ZNF521: variants seen among roughly 807,000 people sequenced by gnomAD.
ZNF521 encodes LYST-interacting protein 3.
In ZNF521, 14 loss-of-function variants were observed where a neutral mutation model predicts 105.5. The ratio of observed to expected loss-of-function variants is 0.13; its 90% CI spans 0.09 to 0.21. The LOEUF is 0.21. ZNF521 is among the 10% of genes least tolerant of loss of function. The probability of loss-of-function intolerance (pLI) is 1.00; values close to 1 mark genes in which losing one functional copy is unlikely to be tolerated. For missense variants in ZNF521, 1,233 were observed against 1,629.7 expected (o/e 0.76, Z 4.19); for synonymous variants, 635 against 606.0 (o/e 1.05, Z -0.70).
chr18:25,186,904 T>TAAAAAAAAAA (rs113619835), intron 5 of ZNF521, among the ~76,000 whole-genome samples: 3 of 74,272 alleles, frequency 4.0e-5, no homozygotes, highest in Non-Finnish European at 6.2e-5. Flanking sequence ...AAAGTAATGC[T>TAAAAAAAAAA]AAAAAAAAAA....
intron 5 of ZNF521, among the ~76,000 whole-genome samples, chr18:25,177,374 T>C (rs555408828): frequency 1.3e-5 from 2 of 152,230 alleles, no homozygotes; most frequent in African/African-American, 4.8e-5. Flanking sequence ...TAGGCACCCA[T>C]GGTATCACAC....
intron 3 of ZNF521, among the ~76,000 whole-genome samples, chr18:25,264,466 G>C (rs999534435): frequency 6.6e-6 from 1 of 151,882 alleles, no homozygotes. Flanking sequence ...TTTTCACTGG[G>C]ATCAGCTCAT....
rs188231764 is a variant in ZNF521 at position 25,338,848 on chromosome 18, A to C, written c.40+12059T>G. ...AAGCAGAAACATAATTAGATGACTA[A>C]CATATATTTTCCTAAATAGCTAAGA... On this transcript the variant is annotated intron_variant, in intron 2 of 7. Transcript: ENST00000361524. 1.4e-3 allele frequency among the ~76,000 whole-genome samples: 213 copies of C among 152,376 alleles called. 2 individuals carry two copies. Among genetic ancestry groups the C allele is most frequent in the African/African-American group, 5.0e-3 (209 of 41,588 alleles).
intron 5 of ZNF521, among the ~76,000 whole-genome samples, chr18:25,192,718 C>T (rs2035839937): frequency 6.7e-6 from 1 of 149,784 alleles, no homozygotes; most frequent in African/African-American, 2.5e-5. Flanking sequence ...CACAGATACA[C>T]AACCTAAAAA....
chr18:25,315,863 C>T (rs1021357566), intron 3 of ZNF521: 2 of 152,160 alleles, frequency 1.3e-5, no homozygotes, highest in African/African-American at 2.4e-5. Flanking sequence ...AGGGAAGAAC[C>T]TAAGACAGGG....
chr18:25,263,812 A>G (rs140805079), intron 3 of ZNF521, among the ~76,000 whole-genome samples: 1 of 152,274 alleles, frequency 6.6e-6, no homozygotes, highest in Non-Finnish European at 1.5e-5. Flanking sequence ...TCCTGAGCTC[A>G]GGTTATCCGC....
intron 3 of ZNF521, among the ~76,000 whole-genome samples, chr18:25,306,742 A>G (rs1400040401): frequency 6.6e-6 from 1 of 152,176 alleles, no homozygotes; most frequent in Non-Finnish European, 1.5e-5. Context: ...CTTCTTTACT[A>G]AAAAGAAAAA....
At chr18:25,113,462 G>T (rs1567967066) in intron 5 of ZNF521, among the ~76,000 whole-genome samples, 1 of 152,180 alleles carries the variant, frequency 6.6e-6, no homozygotes, top group Non-Finnish European at 1.5e-5. Flanking sequence ...AAGAAATGCA[G>T]TTCTTTGTTT....
At chr18:25,279,159 G>C (rs1188100320) in intron 3 of ZNF521, among the ~76,000 whole-genome samples, 3 of 152,196 alleles carry the variant, frequency 2.0e-5, no homozygotes, top group African/African-American at 4.8e-5. Flanking sequence ...TGAAGAACAG[G>C]AGAGAGAGTG....
intron 5 of ZNF521, among the ~76,000 whole-genome samples, chr18:25,107,147 T>C (rs1257427565): frequency 1.3e-5 from 2 of 152,230 alleles, no homozygotes; most frequent in Non-Finnish European, 2.9e-5. Context: ...CTTGCCTTCG[T>C]CAAATCATCT....
chr18:25,332,616 CAAAGAT>C (rs1404141882), intron 2 of ZNF521, among the ~76,000 whole-genome samples: 1 of 152,100 alleles, frequency 6.6e-6, no homozygotes, highest in Non-Finnish European at 1.5e-5. Context: ...GAATCTGAAA[CAAAGAT>C]AATATAAGAG....
At chr18:25,222,652 T>C (rs1905809950) in intron 4 of ZNF521, among the ~76,000 whole-genome samples, 1 of 152,196 alleles carries the variant, frequency 6.6e-6, no homozygotes, top group Admixed American at 6.5e-5. Flanking sequence ...AGGCATATGT[T>C]AAGCATTACA....
intron 3 of ZNF521, among the ~76,000 whole-genome samples, chr18:25,270,706 G>T (rs1236458594): frequency 6.6e-6 from 1 of 152,008 alleles, no homozygotes; most frequent in African/African-American, 2.4e-5. Context: ...TGCAGAAAAG[G>T]CCTTTGACAA....
chr18:25,171,044 C>A (rs1041887915), intron 5 of ZNF521, among the ~76,000 whole-genome samples: 1 of 152,016 alleles, frequency 6.6e-6, no homozygotes, highest in African/African-American at 2.4e-5. Flanking sequence ...GAGAGACAGA[C>A]AACTTAAAAT....
chr18:25,084,259 C>T (rs1332221626), intron 7 of ZNF521, among the ~76,000 whole-genome samples: 2 of 141,116 alleles, frequency 1.4e-5, no homozygotes, highest in Non-Finnish European at 3.3e-5. Flanking sequence ...GGTTTAGGAC[C>T]AGTAGCTAAG....
chr18:25,215,372 T>C (rs1015964029), intron 4 of ZNF521, among the ~76,000 whole-genome samples: 7 of 152,182 alleles, frequency 4.6e-5, no homozygotes, highest in African/African-American at 1.7e-4. Context: ...TACATCTACA[T>C]CATGTGGTAG....
At chr18:25,145,954 T>C (rs1168660987) in intron 5 of ZNF521, among the ~76,000 whole-genome samples, 1 of 152,168 alleles carries the variant, frequency 6.6e-6, no homozygotes. Flanking sequence ...TGGGAAACCT[T>C]TAGAAAGAGA....
intron 3 of ZNF521, among the ~76,000 whole-genome samples, chr18:25,308,192 T>TAA (rs1912084793): frequency 2.2e-5 from 1 of 45,670 alleles, no homozygotes; most frequent in African/African-American, 1.4e-4. Context: ...AGACTGCATC[T>TAA]CAAAAAAAAA....
intron 2 of ZNF521, among the ~76,000 whole-genome samples, chr18:25,336,657 A>C (rs1423644845): frequency 1.3e-5 from 2 of 152,192 alleles, no homozygotes; most frequent in African/African-American, 4.8e-5. Flanking sequence ...GGGTGAAGGT[A>C]CCTGTCGTGG....
Sources: gnomAD v4.1 joint callset for allele counts (sites outside exome capture counted in the v4.1 genomes callset) on GRCh38, gnomAD v4.1.1 for gene constraint, MANE v1.5 for transcripts, NCBI Gene and HGNC (gene_info 2026-07-23, HGNC 2026-07-21) for gene names.